The following ARHGAP10 variants were observed in gnomAD, a reference collection of about 807,000 sequenced individuals.
ARHGAP10 encodes the protein rho GTPase-activating protein 10.
A neutral mutation model predicts 108.6 loss-of-function variants in ARHGAP10; 87 were observed. The ratio of observed to expected loss-of-function variants is 0.80; its 90% CI spans 0.67 to 0.96. The LOEUF is 0.96. Among genes scored for constraint, ARHGAP10 ranks in the 40% least tolerant of loss-of-function variants. The pLI, the probability that ARHGAP10 is intolerant of heterozygous loss-of-function variation, is 0.00. For missense variants in ARHGAP10, 939 were observed against 954.5 expected (o/e 0.98, Z 0.21); for synonymous variants, 347 against 341.1 (o/e 1.02, Z -0.19).
chr4:147,816,288 G>T (rs1732243054), intron 1 of ARHGAP10, among the ~76,000 whole-genome samples: 1 of 152,106 alleles, frequency 6.6e-6, no homozygotes, highest in Non-Finnish European at 1.5e-5. Context: ...ACTCCTGAAG[G>T]ATTCTTCATA....
At chr4:147,912,203 A>C (rs1005987072) in intron 12 of ARHGAP10, among the ~76,000 whole-genome samples, 1 of 152,012 alleles carries the variant, frequency 6.6e-6, no homozygotes, top group Non-Finnish European at 1.5e-5. Context: ...TATGTATACT[A>C]TTGGTAAATA....
At chr4:147,895,899 C>T (rs539274528) in intron 10 of ARHGAP10, among the ~76,000 whole-genome samples, 1 of 152,230 alleles carries the variant, frequency 6.6e-6, no homozygotes, top group Admixed American at 6.5e-5. Flanking sequence ...ATGCCCTTTT[C>T]ATTTTGAGGA....
chr4:148,017,652 CTA>C (rs35472561), intron 18 of ARHGAP10, among the ~76,000 whole-genome samples: 3,155 of 105,102 alleles, frequency 0.03, 53 homozygotes, highest in African/African-American at 0.045. Context: ...GAGCCAGTAA[CTA>C]TATATATATA....
rs140437631 is a variant in ARHGAP10 at position 147,861,893 on chromosome 4, G to A, written c.487-2953G>A. 5.8e-3 allele frequency: 886 copies of A among 152,350 alleles called. 2 individuals are homozygous for A. Among genetic ancestry groups the A allele is most frequent in the Middle Eastern group, 0.027 (8 of 294 alleles). 9.4% of individuals were successfully genotyped at this position (152,350 alleles called of 1,614,324 possible). ...CATGAGTGGGCCTGGAAAAAGCACC[G>A]TAAGTTTTCATCCCAGGCTGCAGAC... On this transcript the variant is annotated intron_variant, in intron 5 of 22. Coordinates refer to ENST00000336498, the MANE Select transcript of ARHGAP10 (RefSeq NM_024605.4).
intron 1 of ARHGAP10, among the ~76,000 whole-genome samples, chr4:147,760,421 A>G (rs1432993389): frequency 6.6e-6 from 1 of 152,220 alleles, no homozygotes; most frequent in Non-Finnish European, 1.5e-5. Flanking sequence ...GTTTGAATCC[A>G]GCAGCTCCCG....
chr4:147,951,235 CT>C (rs1560841644), intron 15 of ARHGAP10, among the ~76,000 whole-genome samples: 5 of 152,064 alleles, frequency 3.3e-5, no homozygotes, highest in South Asian at 2.1e-4. Context: ...CATTCCCCCC[CT>C]CCCTCGACCC....
chr4:147,912,079 C>A (rs1328458351), intron 12 of ARHGAP10, among the ~76,000 whole-genome samples: 1 of 149,736 alleles, frequency 6.7e-6, no homozygotes, highest in East Asian at 1.9e-4. Flanking sequence ...GAATTTTTGG[C>A]AAAATATATC....
At chr4:147,925,610 A>G (rs185120023) in intron 13 of ARHGAP10, among the ~76,000 whole-genome samples, 77 of 152,294 alleles carry the variant, frequency 5.1e-4, no homozygotes, top group Non-Finnish European at 4.6e-4. Context: ...CAGGGAAGGT[A>G]TTAGAGGAAA....
At chr4:148,012,414 A>C (rs1243865997) in intron 18 of ARHGAP10, among the ~76,000 whole-genome samples, 1 of 152,204 alleles carries the variant, frequency 6.6e-6, no homozygotes, top group Non-Finnish European at 1.5e-5. Context: ...AAGACTTCTT[A>C]AACTGAATTG....
At chr4:147,874,150 C>T (rs533094245) in intron 7 of ARHGAP10, among the ~76,000 whole-genome samples, 1 of 152,268 alleles carries the variant, frequency 6.6e-6, no homozygotes, top group Non-Finnish European at 1.5e-5. Flanking sequence ...GGACCCTTGG[C>T]AGCCCCTTTT....
chr4:147,788,132 T>C (rs1461257768), intron 1 of ARHGAP10, among the ~76,000 whole-genome samples: 6 of 14,902 alleles, frequency 4.0e-4, no homozygotes, highest in African/African-American at 6.4e-4. Context: ...TTTAAAAAAT[T>C]TGATTTTTTT....
chr4:147,769,067 A>T (rs897369022), intron 1 of ARHGAP10, among the ~76,000 whole-genome samples: 1 of 152,142 alleles, frequency 6.6e-6, no homozygotes, highest in South Asian at 2.1e-4. Flanking sequence ...TTAAAAAAAC[A>T]TAAAAAAGGG....
intron 18 of ARHGAP10, among the ~76,000 whole-genome samples, chr4:147,972,198 T>C (rs1739438049): frequency 6.6e-6 from 1 of 152,128 alleles, no homozygotes; most frequent in Admixed American, 6.5e-5. Context: ...GTTAAAGACA[T>C]GAGATTGGCG....
intron 12 of ARHGAP10, among the ~76,000 whole-genome samples, chr4:147,911,100 G>A (rs1736711614): frequency 6.7e-6 from 1 of 150,252 alleles, no homozygotes; most frequent in African/African-American, 2.5e-5. Context: ...TTGCAGAGAC[G>A]TTAAAACATG....
intron 16 of ARHGAP10, among the ~76,000 whole-genome samples, chr4:147,960,219 T>G (rs1446019682): frequency 6.6e-6 from 1 of 152,230 alleles, no homozygotes; most frequent in African/African-American, 2.4e-5. Context: ...GGTGATAAAT[T>G]TAGTTTGTAT....
At position 147,732,336 on chromosome 4, in the gene ARHGAP10, A is replaced by AGC. The variant is rs1192732899; in HGVS notation, c.35_36insGC (p.Tyr12Ter). 2.5e-5 allele frequency: 41 copies of AGC among 1,612,952 alleles called. No homozygotes were observed. Among genetic ancestry groups the AGC allele is most frequent in the Non-Finnish European group, 3.5e-5 (41 of 1,179,526 alleles). ...CAGCCCCTGGAGTTCAGCGACTGCT[A>AGC]CCTCGACAGCCCGTGGTTCCGGGAG... ...GLQPLEFSDC[Y>*]LDSPWFRERI... The change falls in exon 1 of 23, where the codon TAC becomes TAGCC. Residue 12 changes from tyrosine to a stop codon, truncating the protein, a stop_gained and frameshift_variant. Transcript: ENST00000336498. LOFTEE classifies it high-confidence loss of function.
At chr4:148,044,962 A>G (rs1425335903) in intron 19 of ARHGAP10, among the ~76,000 whole-genome samples, 1 of 152,230 alleles carries the variant, frequency 6.6e-6, no homozygotes, top group East Asian at 1.9e-4. Context: ...CTTCACTGAA[A>G]GAGCAATCAT....
intron 1 of ARHGAP10, among the ~76,000 whole-genome samples, chr4:147,764,006 C>T (rs895202562): frequency 1.3e-5 from 2 of 152,118 alleles, no homozygotes; most frequent in African/African-American, 2.4e-5. Flanking sequence ...CTGCCTGCCT[C>T]GGCCTCCTAA....
At chr4:147,754,829 C>T (rs1037617887) in intron 1 of ARHGAP10, among the ~76,000 whole-genome samples, 3 of 152,106 alleles carry the variant, frequency 2.0e-5, no homozygotes, top group African/African-American at 7.2e-5. Context: ...CGTGGTAGCT[C>T]ACGTCTGTAA....
Sources: allele counts gnomAD v4.1 joint callset (sites outside exome capture counted in the v4.1 genomes callset), GRCh38; gene constraint gnomAD v4.1.1; transcripts MANE v1.5; gene names NCBI Gene and HGNC (gene_info 2026-07-23, HGNC 2026-07-21).